ZNF516: variants seen among roughly 807,000 people sequenced by gnomAD.
ZNF516 encodes the protein zinc finger protein 516.
ZNF516 carries 19 observed loss-of-function variants against 79.7 expected under a neutral mutation model. The ratio of observed to expected loss-of-function variants is 0.24; its 90% CI spans 0.17 to 0.35. ZNF516 has a LOEUF of 0.35. ZNF516 is among the 10% of genes least tolerant of loss of function. ZNF516 has a pLI of 1.00. For synonymous variants in ZNF516, 877 were observed against 739.5 expected, an observed-to-expected ratio of 1.19 and a Z score of -3.02; for missense variants, 1,678 against 1,679.5, an observed-to-expected ratio of 1.00 and a Z score of 0.02.
chr18:76,454,142 T>C (rs1388686647), intron 2 of ZNF516, among the ~76,000 whole-genome samples: 2 of 152,246 alleles, frequency 1.3e-5, no homozygotes, highest in Non-Finnish European at 2.9e-5. Context: ...TAAGGCATTC[T>C]GTTAAACATT....
chr18:76,438,892 A>C (rs1185641091), intron 3 of ZNF516, among the ~76,000 whole-genome samples: 1 of 152,188 alleles, frequency 6.6e-6, no homozygotes, highest in East Asian at 1.9e-4. Flanking sequence ...GCTTGTAAGA[A>C]CCACTGTGAT....
intron 4 of ZNF516, among the ~76,000 whole-genome samples, chr18:76,376,279 G>A (rs1334913361): frequency 6.6e-6 from 1 of 152,138 alleles, no homozygotes. Flanking sequence ...TAAACAGGCT[G>A]ACCTCAGGTA....
chr18:76,484,719 A>G (rs1914730152), intron 1 of ZNF516, among the ~76,000 whole-genome samples: 1 of 152,234 alleles, frequency 6.6e-6, no homozygotes, highest in South Asian at 2.1e-4. Context: ...TCCCACACAC[A>G]TATAAAATCC....
chr18:76,405,553 T>TG (rs993718639), intron 3 of ZNF516, among the ~76,000 whole-genome samples: 4 of 152,078 alleles, frequency 2.6e-5, no homozygotes, highest in African/African-American at 9.7e-5. Flanking sequence ...CCTCCTTTCC[T>TG]GGTTCCTGTC....
chr18:76,434,157 C>T (rs570969285), intron 3 of ZNF516, among the ~76,000 whole-genome samples: 21 of 152,288 alleles, frequency 1.4e-4, no homozygotes, highest in African/African-American at 3.1e-4. Context: ...CTCACGGGAA[C>T]GGGGTGCAAG....
intron 1 of ZNF516, among the ~76,000 whole-genome samples, chr18:76,482,406 C>T (rs1447565867): frequency 6.6e-6 from 1 of 152,228 alleles, no homozygotes; most frequent in African/African-American, 2.4e-5. Flanking sequence ...GAGGAAGCCA[C>T]AGGCAGTCAG....
chr18:76,431,465 G>A lies in ZNF516; in HGVS notation c.1810+9780C>T, dbSNP rs994141582. Among the ~76,000 whole-genome samples the A allele has an allele frequency of 2.0e-5, 3 of 152,180 alleles. No homozygotes were observed. The South Asian group carries it at 6.2e-4, about 32-fold the overall frequency. On this transcript the variant is annotated intron_variant, in intron 3 of 6. Transcript: ENST00000443185. ...TCAATCCTGAAAGCAGCGAGAGAGG[G>A]GCTGCTCTGGAAGGTCCTGTGCCCG...
intron 4 of ZNF516, among the ~76,000 whole-genome samples, chr18:76,375,315 A>G (rs151322333): frequency 6.6e-6 from 1 of 152,314 alleles, no homozygotes; most frequent in Non-Finnish European, 1.5e-5. Context: ...TAGAGAGTGG[A>G]CAGGGAAGGC....
intron 1 of ZNF516, among the ~76,000 whole-genome samples, chr18:76,475,093 C>T (rs571841214): frequency 6.6e-6 from 1 of 152,254 alleles, no homozygotes; most frequent in East Asian, 1.9e-4. Flanking sequence ...ATCTGGAAAA[C>T]ATATGTGACG....
chr18:76,366,058 A>G (rs555541140), intron 6 of ZNF516, among the ~76,000 whole-genome samples: 64 of 152,336 alleles, frequency 4.2e-4, no homozygotes, highest in African/African-American at 1.5e-3. Flanking sequence ...GAAGAGGCTT[A>G]AACAGTGCGT....
intron 6 of ZNF516, among the ~76,000 whole-genome samples, chr18:76,364,146 A>C (rs1284250566): frequency 6.6e-6 from 1 of 152,252 alleles, no homozygotes; most frequent in Non-Finnish European, 1.5e-5. Context: ...GAAGCACTGC[A>C]AAGTCGGGAT....
In ZNF516 at chr18:76,493,180, A is replaced by G. The variant is rs1915336154; in HGVS notation, c.-272+1964T>C. 4 of 985,036 alleles carry G rather than the reference A, an allele frequency of 4.1e-6. No homozygotes were observed. The South Asian group carries it at 1.9e-4, about 46-fold the overall frequency. 61.0% of individuals were successfully genotyped at this position (985,036 alleles called of 1,614,324 possible). A position where few individuals can be genotyped will look rare whatever the true frequency, so the allele number is the denominator to read the frequency against. Reference sequence around the variant, plus strand: ...AGCTCTGAAAGTTAGCCATCTGCGCAGAGTTTGCCTTCTTTAAGGAGGGAG... The same window carrying G: ...AGCTCTGAAAGTTAGCCATCTGCGCGGAGTTTGCCTTCTTTAAGGAGGGAG... On this transcript the variant is annotated intron_variant, in intron 1 of 6. Coordinates refer to ENST00000443185, the MANE Select transcript of ZNF516 (RefSeq NM_014643.4). The surrounding 1 kb of genome is among the most constrained non-coding windows in gnomAD (Gnocchi z 5.2).
intron 1 of ZNF516, among the ~76,000 whole-genome samples, chr18:76,470,136 G>C (rs935067769): frequency 2.0e-5 from 3 of 152,180 alleles, no homozygotes; most frequent in Admixed American, 6.5e-5. Flanking sequence ...CTAGATGAGA[G>C]AGCCAGTTTT....
At chr18:76,401,760 CCCGCGCTCCATCT>C (rs2075228243) in intron 3 of ZNF516, among the ~76,000 whole-genome samples, 1 of 26,824 alleles carries the variant, frequency 3.7e-5, no homozygotes, top group South Asian at 1.1e-3. Flanking sequence ...CAACCACACC[CCCGCGCTCCATCT>C]CTCCACCAAC....
rs1915338978 is a variant in ZNF516, at chr18:76,493,261, G to A, written c.-272+1883C>T. On this transcript the variant is annotated intron_variant, in intron 1 of 6. Coordinates refer to ENST00000443185, the MANE Select transcript of ZNF516 (RefSeq NM_014643.4). This position sits in a 1 kb window ranked among gnomAD's most constrained non-coding sequence, Gnocchi z 5.2. ...TGTACTTCCACAAAGGATGGAAAGG[G>A]AAATTCACGAAGGGAGTGGAGGCGG... 1.1e-6 allele frequency: 1 copy of A among 895,740 alleles called. No individual in the cohort carries two copies. The highest frequency in any genetic ancestry group is 1.3e-6 in the Non-Finnish European group (1 of 752,316). 55.5% of individuals were successfully genotyped at this position (895,740 alleles called of 1,614,324 possible).
intron 1 of ZNF516, among the ~76,000 whole-genome samples, chr18:76,481,044 T>C (rs1914495748): frequency 1.3e-5 from 2 of 152,078 alleles, no homozygotes; most frequent in Non-Finnish European, 2.9e-5. Flanking sequence ...GTTTTGCAAA[T>C]ACAGACCCAG....
intron 3 of ZNF516, among the ~76,000 whole-genome samples, chr18:76,403,280 C>G (rs1300908653): frequency 6.6e-6 from 1 of 152,228 alleles, no homozygotes; most frequent in Non-Finnish European, 1.5e-5. Flanking sequence ...GTCTGCCTGA[C>G]CTGGTTCATC....
chr18:76,378,280 A>G (rs1168476639), intron 4 of ZNF516: 2 of 152,146 alleles, frequency 1.3e-5, no homozygotes, highest in Admixed American at 1.3e-4. Context: ...TTTTCCAAGT[A>G]TTTTTTTCAG....
rs2144848381 is a variant in ZNF516, at chr18:76,360,678, T to TATATATAA, written c.*1819_*1820insTTATATAT. The TATATATAA allele has an allele frequency of 9.8e-6, 1 of 102,024 alleles. No homozygotes were observed. Among genetic ancestry groups the TATATATAA allele is most frequent in the African/African-American group, 3.3e-5 (1 of 30,548 alleles). The allele number at this position is 102,024 out of a possible 1,614,324, so 6.3% of individuals were successfully genotyped here. A position where few individuals can be genotyped will look rare whatever the true frequency, so the allele number is the denominator to read the frequency against. ...ATATATATATATATATATATATATA[T>TATATATAA]AAGCTAGCCAGTTACATTGCATCGT... is the stretch of plus-strand genomic sequence containing the variant. On this transcript the variant is annotated 3_prime_UTR_variant, in exon 7 of 7. Transcript: ENST00000443185.
Sources: gnomAD v4.1 joint callset for allele counts (sites outside exome capture counted in the v4.1 genomes callset) on GRCh38, gnomAD v4.1.1 for gene constraint, Gnocchi (gnomAD v3.1) non-coding constraint, MANE v1.5 for transcripts, NCBI Gene and HGNC (gene_info 2026-07-23, HGNC 2026-07-21) for gene names.